TDRD6: variants seen among roughly 807,000 people sequenced by gnomAD.
The protein encoded by TDRD6 is tudor domain containing 6, also known as tudor domain-containing protein 6.
Under a neutral mutation model 157.5 loss-of-function variants are expected in TDRD6, and 186 were observed. The ratio of observed to expected loss-of-function variants is 1.18; its 90% confidence interval spans 1.05 to 1.33. The LOEUF (loss-of-function observed/expected upper bound fraction) is 1.33. Among genes scored for constraint, TDRD6 ranks in the 40% most tolerant of loss-of-function variants. The pLI is 0.00. For missense variants in TDRD6, 3,066 were observed against 2,508.0 expected (o/e 1.22, Z -4.75); for synonymous variants, 1,075 against 945.2 (o/e 1.14, Z -2.52).
In TDRD6 at chr6:46,696,581, GTATA is replaced by G. The variant is rs1554181450; in HGVS notation, c.6171+654_6171+657del. 4.0e-3 allele frequency among the ~76,000 whole-genome samples: 138 copies of G among 34,888 alleles called. 3 individuals carry two copies. The highest frequency in any genetic ancestry group is 0.012 in the African/African-American group (88 of 7,130). The allele number at this position is 34,888 out of a possible 152,430, so 22.9% of individuals were successfully genotyped here. A position where few individuals can be genotyped will look rare whatever the true frequency, so the allele number is the denominator to read the frequency against. ...TGTGTGTGTGTGTGTGTGTGTGTGT[GTATA>G]TATATATATATATATATTTTTTTTT... On this transcript the variant is annotated intron_variant, in intron 2 of 3. Transcript: ENST00000316081.
rs1175640310 is a variant in TDRD6, at chr6:46,690,683, T to G, written c.2555T>G (p.Val852Gly). 6.2e-7 allele frequency: 1 copy of G among 1,614,208 alleles called. No individual in the cohort carries two copies. Among genetic ancestry groups the G allele is most frequent in the Admixed American group, 1.7e-5 (1 of 60,032 alleles). Residue 852 changes from valine to glycine, a missense_variant, in exon 1 of 4, where the codon GTA (valine) becomes GGA (glycine). Physicochemically the swap from Val to Gly is moderately radical, Grantham distance 109. Coordinates refer to ENST00000316081, the MANE Select transcript of TDRD6 (RefSeq NM_001010870.3). The stretch of plus-strand genomic sequence containing the variant: ...GTGGAGCATGTCAATGTAACATTTG[T>G]AGATTATGGAGACAGAGAAATGGTA... Reference protein sequence around the residue: ...QSVEHVNVTFVDYGDREMVSV... With the variant: ...QSVEHVNVTFGDYGDREMVSV...
rs1278975246 is a variant in TDRD6, at chr6:46,694,002, T to C, written c.5874T>C (p.His1958=). The C allele has an allele frequency of 6.2e-7, 1 of 1,613,904 alleles. No individual in the cohort carries two copies. The highest frequency in any genetic ancestry group is 1.1e-5 in the South Asian group (1 of 91,020). The part of the protein sequence containing the change: ...SFDDQRRMSL[H]LHGADCDPKT... The stretch of plus-strand genomic sequence containing the variant: ...ATGACCAGCGCAGGATGTCATTGCA[T>C]CTACATGGAGCAGATTGTGATCCTA... The change falls in exon 1 of 4, where the codon CAT becomes CAC. Residue 1958 remains histidine (H), a synonymous_variant. Coordinates refer to ENST00000316081, the MANE Select transcript of TDRD6 (RefSeq NM_001010870.3).
At position 46,692,951 on chromosome 6, in the gene TDRD6, T is replaced by C. The variant is rs1764382281; in HGVS notation, c.4823T>C (p.Ile1608Thr). ...VSVRLVDFGN[I>T]EDCVDPKALW... ...GTCAGGCTTGTGGACTTTGGAAACATTGAAGACTGTGTGGACCCAAAAGCA... is the reference window on the plus strand; with the variant it reads ...GTCAGGCTTGTGGACTTTGGAAACACTGAAGACTGTGTGGACCCAAAAGCA... Residue 1608 changes from isoleucine (I) to threonine (T), a missense_variant, in exon 1 of 4, where the codon ATT (isoleucine) becomes ACT (threonine). Ile to Thr is a moderately conservative substitution (Grantham distance 89). Coordinates refer to ENST00000316081, the MANE Select transcript of TDRD6 (RefSeq NM_001010870.3). 6.2e-7 allele frequency: 1 copy of C among 1,613,722 alleles called. No individual in the cohort carries two copies. Among genetic ancestry groups the C allele is most frequent in the Non-Finnish European group, 8.5e-7 (1 of 1,179,850 alleles).
chr6:46,689,007 AG>A lies in TDRD6; in HGVS notation c.883del (p.Asp295MetfsTer59). 6.2e-7 allele frequency: 1 copy of A among 1,613,680 alleles called. No homozygotes were observed. The highest frequency in any genetic ancestry group is 8.5e-7 in the Non-Finnish European group (1 of 1,179,724). ...AGGTATACCGGGGTTCCACGGGGACAGGGGATGAGAACTCTACCAGTGCCAC... is the reference window on the plus strand; with the variant it reads ...AGGTATACCGGGGTTCCACGGGGACAGGGATGAGAACTCTACCAGTGCCAC... Reference protein sequence around the residue: ...AQVYRGSTGTGDENSTSATWE... With the variant: ...AQVYRGSTGTXDENSTSATWE... On this transcript the variant is annotated frameshift_variant, in exon 1 of 4. Coordinates refer to ENST00000316081, the MANE Select transcript of TDRD6 (RefSeq NM_001010870.3). LOFTEE classifies it high-confidence loss of function.
chr6:46,698,070 G>T lies in TDRD6; in HGVS notation c.6244G>T (p.Asp2082Tyr). The T allele has an allele frequency of 6.2e-7, 1 of 1,607,648 alleles. No homozygotes were observed. The highest frequency in any genetic ancestry group is 2.2e-5 in the East Asian group (1 of 44,772). The change falls in exon 3 of 4, where the codon GAT becomes TAT. Residue 2082 changes from aspartate (D) to tyrosine (Y), a missense_variant. Transcript: ENST00000316081. Reference sequence around the variant, plus strand: ...TGTCTGGAATGGCATACCCAAATTGGATAAGAGTCCACCTGAGGTATGGAA... The same window carrying T: ...TGTCTGGAATGGCATACCCAAATTGTATAAGAGTCCACCTGAGGTATGGAA... ...ENVWNGIPKL[D>Y]KSPPEKRGLE... is the part of the protein sequence containing the mutation.
Position 46,688,640 on chromosome 6 carries a change from T to C in TDRD6, c.512T>C (p.Leu171Pro). The C allele has an allele frequency of 1.3e-6, 2 of 1,599,322 alleles. No individual in the cohort carries two copies. Among genetic ancestry groups the C allele is most frequent in the Non-Finnish European group, 1.7e-6 (2 of 1,179,866 alleles). ...LQGKEVHGCV[L>P]DVLLLHRLVL... Reference sequence around the variant, plus strand: ...GGCAAGGAGGTGCACGGGTGCGTCCTGGACGTGCTGCTGCTCCATCGCCTG... The same window carrying C: ...GGCAAGGAGGTGCACGGGTGCGTCCCGGACGTGCTGCTGCTCCATCGCCTG... The change falls in exon 1 of 4, where the codon CTG becomes CCG. Residue 171 changes from leucine (L) to proline (P), a missense_variant. Physicochemically the swap from Leu to Pro is moderately conservative, Grantham distance 98 (BLOSUM62 -3). Transcript: ENST00000316081.
At position 46,695,937 on chromosome 6, in the gene TDRD6, G is replaced by A. The variant is rs1321479897; in HGVS notation, c.6163G>A (p.Gly2055Arg). ...KCEILETAEEGTRVLNLSNGM... is the reference protein window; with the variant it reads ...KCEILETAEERTRVLNLSNGM... ...TGAGATTTTAGAAACAGCTGAAGAA[G>A]GAACAAGGGTAAGTGATGTTTAAGT... The change falls in exon 2 of 4, where the codon GGA (glycine) becomes AGA (arginine). Residue 2055 changes from glycine to arginine, a missense_variant. Physicochemically the swap from Gly to Arg is moderately radical, Grantham distance 125. Transcript: ENST00000316081. 6.2e-7 allele frequency: 1 copy of A among 1,612,102 alleles called. No homozygotes were observed. The highest frequency in any genetic ancestry group is 8.5e-7 in the Non-Finnish European group (1 of 1,179,206).
At chr6:46,681,884 GAC>G in the TDRD6 span, among the ~76,000 whole-genome samples, 1 of 152,008 alleles carries the variant, frequency 6.6e-6, no homozygotes, top group Non-Finnish European at 1.5e-5. Context: ...AATTCATAAA[GAC>G]AGTTTCGAAT....
At position 46,699,275 on chromosome 6, in the gene TDRD6, C is replaced by A. The variant is rs1764567248; in HGVS notation, c.6261+1188C>A. ...CTGCTCCACCACACAGTTCTGTTTGCCCGTAAGAGCGAAGCAGATAAAGAG... is the reference window on the plus strand; with the variant it reads ...CTGCTCCACCACACAGTTCTGTTTGACCGTAAGAGCGAAGCAGATAAAGAG... On this transcript the variant is annotated intron_variant, in intron 3 of 3. Transcript: ENST00000316081. Among the ~76,000 whole-genome samples the A allele has an allele frequency of 3.3e-5, 5 of 152,256 alleles. No individual in the cohort carries two copies. The South Asian group carries it at 1.0e-3, about 32-fold the overall frequency.
In TDRD6 at chr6:46,689,888, T is replaced by G; in HGVS notation, c.1760T>G (p.Leu587Arg). The G allele has an allele frequency of 6.2e-7, 1 of 1,614,228 alleles. No homozygotes were observed. Among genetic ancestry groups the G allele is most frequent in the Non-Finnish European group, 8.5e-7 (1 of 1,180,048 alleles). Residue 587 changes from leucine (L) to arginine (R), a missense_variant, in exon 1 of 4, where the codon CTT becomes CGT. Transcript: ENST00000316081. ...NVDWYDVRMLLPQFRQLPILA... is the reference protein window; with the variant it reads ...NVDWYDVRMLRPQFRQLPILA... ...GACTGGTATGACGTAAGGATGCTGCTTCCTCAGTTTAGGCAGCTACCAATA... is the reference window on the plus strand; with the variant it reads ...GACTGGTATGACGTAAGGATGCTGCGTCCTCAGTTTAGGCAGCTACCAATA...
At chr6:46,699,688 C>T (rs1430490604) in intron 3 of TDRD6, among the ~76,000 whole-genome samples, 1 of 152,014 alleles carries the variant, frequency 6.6e-6, no homozygotes, top group Non-Finnish European at 1.5e-5. Context: ...AAGAAAAGGC[C>T]TATGAAACTC....
intron 2 of TDRD6, 61 bp downstream of exon 2, chr6:46,696,006 C>T: frequency 1.9e-6 from 3 of 1,557,250 alleles, no homozygotes; most frequent in Non-Finnish European, 2.6e-6. Context: ...GGAAAGTTTA[C>T]CAGACTCTGT....
At position 46,692,283 on chromosome 6, in the gene TDRD6, G is replaced by A; in HGVS notation, c.4155G>A (p.Val1385=). The change falls in exon 1 of 4, where the codon GTG becomes GTA. Residue 1385 remains valine, a synonymous_variant. Transcript: ENST00000316081. The part of the protein sequence containing the change: ...KEQQPNDLLS[V]QFIDYGNVSV... ...AACAACCCAATGACCTTCTCTCTGT[G>A]CAGTTTATAGATTATGGCAATGTTT... The A allele has an allele frequency of 5.6e-6, 9 of 1,614,114 alleles. No homozygotes were observed. The highest frequency in any genetic ancestry group is 7.6e-6 in the Non-Finnish European group (9 of 1,180,004).
In TDRD6 at chr6:46,688,027, C is replaced by T; in HGVS notation, c.-102C>T. ...CTTCCCCTCCACTGGGTCCTTTGAA[C>T]CTAGTTTGGCTGGGACTCGCCTTCA... On this transcript the variant is annotated 5_prime_UTR_variant, in exon 1 of 4. Transcript: ENST00000316081. 2 of 1,382,374 alleles carry T rather than the reference C, an allele frequency of 1.4e-6. No homozygotes were observed. The highest frequency in any genetic ancestry group is 3.0e-5 in the East Asian group (1 of 33,566). 85.6% of individuals were successfully genotyped at this position (1,382,374 alleles called of 1,614,324 possible).
rs756731573 is a variant in TDRD6 at position 46,689,445 on chromosome 6, G to C, written c.1317G>C (p.Ser439=). The C allele has an allele frequency of 6.2e-7, 1 of 1,613,344 alleles. No homozygotes were observed. The highest frequency in any genetic ancestry group is 8.5e-7 in the Non-Finnish European group (1 of 1,180,034). The stretch of plus-strand genomic sequence containing the variant: ...TGAACCGTGTGTTTGGAGTACAGTC[G>C]TGTTGCTTGGCTGACCGAGTCCTTC... The part of the protein sequence containing the change: ...INLNRVFGVQ[S]CCLADRVLQS... Residue 439 remains serine, a synonymous_variant, in exon 1 of 4, where the codon TCG becomes TCC. Coordinates refer to ENST00000316081, the MANE Select transcript of TDRD6 (RefSeq NM_001010870.3).
At position 46,692,336 on chromosome 6, in the gene TDRD6, G is replaced by A; in HGVS notation, c.4208G>A (p.Arg1403Lys). 1 of 1,614,150 alleles carries A rather than the reference G, an allele frequency of 6.2e-7. No individual in the cohort carries two copies. The highest frequency in any genetic ancestry group is 8.5e-7 in the Non-Finnish European group (1 of 1,180,026). Residue 1403 changes from arginine to lysine, a missense_variant, in exon 1 of 4, where the codon AGG (arginine) becomes AAG (lysine). Physicochemically the swap from Arg to Lys is conservative, Grantham distance 26 (BLOSUM62 2). Coordinates refer to ENST00000316081, the MANE Select transcript of TDRD6 (RefSeq NM_001010870.3). ...VSVVHTNKIG[R>K]LDLVNAILPG... is the part of the protein sequence containing the mutation. ...GTGGTTCATACTAACAAAATAGGTA[G>A]GCTTGACCTTGTTAATGCAATATTG...
the TDRD6 span, chr6:46,681,497 T>C: frequency 2.1e-6 from 1 of 469,642 alleles, no homozygotes; most frequent in Non-Finnish European, 4.4e-6. Flanking sequence ...TACATTACTT[T>C]CTTCTCTCCC....
At position 46,690,052 on chromosome 6, in the gene TDRD6, G is replaced by C. The variant is rs529097473; in HGVS notation, c.1924G>C (p.Val642Leu). 1.5e-4 allele frequency: 239 copies of C among 1,614,028 alleles called. 2 individuals carry two copies. The South Asian group carries it at 2.4e-3, about 16-fold the overall frequency. ...TCTTGATAAACAGGATCATCAATAT[G>C]TTATTGAGATTCTTGACGAATCAAG... ...HILDKQDHQY[V>L]IEILDESRTG... Residue 642 changes from valine (V) to leucine (L), a missense_variant, in exon 1 of 4, where the codon GTT (valine) becomes CTT (leucine). Coordinates refer to ENST00000316081, the MANE Select transcript of TDRD6 (RefSeq NM_001010870.3).
chr6:46,701,124 T>C (rs1267605369), intron 3 of TDRD6: 2 of 367,526 alleles, frequency 5.4e-6, no homozygotes, highest in African/African-American at 2.2e-5. Context: ...CTTAAAAATA[T>C]TGTTATGCTG....
Sources: allele counts gnomAD v4.1 joint callset (sites outside exome capture counted in the v4.1 genomes callset), GRCh38; gene constraint gnomAD v4.1.1; transcripts MANE v1.5; gene names NCBI Gene and HGNC (gene_info 2026-07-23, HGNC 2026-07-21).